The following ZNF146 variants were observed in gnomAD, a reference collection of about 807,000 sequenced individuals.
ZNF146 encodes the protein zinc finger protein OZF.
A neutral mutation model predicts 22.2 loss-of-function variants in ZNF146; 9 were observed. The observed-to-expected ratio is 0.41, with a 90% CI of 0.24 to 0.71. The LOEUF is 0.71. ZNF146 is among the 30% of genes least tolerant of loss of function. The pLI is 0.34. For missense variants in ZNF146, 194 were observed against 344.8 expected, an observed-to-expected ratio of 0.56 and a Z score of 3.46; for synonymous variants, 108 against 119.2, an observed-to-expected ratio of 0.91 and a Z score of 0.61.
chr19:36,227,496 G>A (rs12460466), intron 2 of ZNF146, among the ~76,000 whole-genome samples: 27,328 of 151,096 alleles, frequency 0.18, 2,703 homozygotes, highest in Non-Finnish European at 0.22. Context: ...TGATCTTCCT[G>A]TCTCAGCCTC....
rs142319211 is a variant in ZNF146 at position 36,224,093 on chromosome 19, C to G, written c.-854-4655C>G. Among the ~76,000 whole-genome samples the G allele has an allele frequency of 2.6e-5, 4 of 152,280 alleles. No homozygotes were observed. The East Asian group carries it at 7.7e-4, about 29-fold the overall frequency. ...TCTTTGACATCATTTATTAAAAGGT[C>G]TTACCTGGCTGGGCACGGTGGCTCA... On this transcript the variant is annotated intron_variant, in intron 2 of 3. Coordinates refer to ENST00000443387, the MANE Select transcript of ZNF146 (RefSeq NM_007145.3).
intron 2 of ZNF146, among the ~76,000 whole-genome samples, chr19:36,227,136 C>T (rs1977103323): frequency 2.0e-5 from 3 of 151,710 alleles, no homozygotes; most frequent in Admixed American, 2.0e-4. Context: ...CACCTGTAAT[C>T]CCAGCACTTT....
intron 2 of ZNF146, among the ~76,000 whole-genome samples, chr19:36,218,952 G>T (rs1310431307): frequency 2.0e-5 from 3 of 151,372 alleles, no homozygotes; most frequent in African/African-American, 7.3e-5. Context: ...GGGACTACGG[G>T]CGCCCACCAC....
chr19:36,228,159 A>C (rs1977158842), intron 2 of ZNF146, among the ~76,000 whole-genome samples: 1 of 41,182 alleles, frequency 2.4e-5, no homozygotes, highest in African/African-American at 7.4e-5. Flanking sequence ...AAACTGTCTC[A>C]AAAAAAAAAA....
chr19:36,230,693 G>A (rs1336086253), intron 3 of ZNF146, among the ~76,000 whole-genome samples: 1 of 152,070 alleles, frequency 6.6e-6, no homozygotes, highest in Non-Finnish European at 1.5e-5. Flanking sequence ...GAAGAGAGAG[G>A]GCAAAAGGGA....
chr19:36,232,107 G>A (rs773072666), intron 3 of ZNF146, among the ~76,000 whole-genome samples: 1 of 151,434 alleles, frequency 6.6e-6, no homozygotes, highest in Non-Finnish European at 1.5e-5. Context: ...GGAGGCTGAG[G>A]CAGGAGAATC....
rs1362163987 is a variant in ZNF146, at chr19:36,236,903, C to A, written c.463C>A (p.Pro155Thr). Residue 155 changes from proline to threonine, a missense_variant, in exon 4 of 4, where the codon CCT becomes ACT. Pro to Thr is a conservative substitution (Grantham distance 38). Around this residue, in one of 2 missense-constraint regions of ZNF146, gnomAD observed 147 missense variants for 300.1 expected, o/e 0.49. Coordinates refer to ENST00000443387, the MANE Select transcript of ZNF146 (RefSeq NM_007145.3). ...EHEKIHIGEK[P>T]FKCSECGTAF... ...TGAGAAAATCCATATTGGAGAGAAGCCTTTTAAATGTAGTGAATGTGGAAC... is the reference window on the plus strand; with the variant it reads ...TGAGAAAATCCATATTGGAGAGAAGACTTTTAAATGTAGTGAATGTGGAAC... 1 of 1,614,070 alleles carries A rather than the reference C, an allele frequency of 6.2e-7. No individual in the cohort carries two copies.
At chr19:36,215,507 A>G (rs1473535597) in intron 1 of ZNF146, among the ~76,000 whole-genome samples, 3 of 152,094 alleles carry the variant, frequency 2.0e-5, no homozygotes, top group South Asian at 2.1e-4. Flanking sequence ...CCTTGTCGAA[A>G]GTGCTGATAA....
intron 2 of ZNF146, among the ~76,000 whole-genome samples, chr19:36,224,562 A>G (rs1370469434): frequency 1.3e-5 from 2 of 152,134 alleles, no homozygotes; most frequent in Admixed American, 6.5e-5. Context: ...AGGCTTTATC[A>G]TTGTGTTTTA....
Position 36,236,944 on chromosome 19 carries a change from G to A in ZNF146, c.504G>A (p.Lys168=). Residue 168 remains lysine, a synonymous_variant, in exon 4 of 4, where the codon AAG becomes AAA. Coordinates refer to ENST00000443387, the MANE Select transcript of ZNF146 (RefSeq NM_007145.3). ...CSECGTAFGQ[K]KYLIKHQNIH... The stretch of plus-strand genomic sequence containing the variant: ...AATGTGGAACAGCCTTTGGCCAGAA[G>A]AAGTACCTCATAAAACATCAGAACA... The A allele has an allele frequency of 1.2e-6, 2 of 1,614,062 alleles. No homozygotes were observed. The highest frequency in any genetic ancestry group is 1.7e-6 in the Non-Finnish European group (2 of 1,180,002).
At chr19:36,231,219 C>CT (rs1195773036) in intron 3 of ZNF146, among the ~76,000 whole-genome samples, 3 of 151,546 alleles carry the variant, frequency 2.0e-5, no homozygotes, top group African/African-American at 4.9e-5. Flanking sequence ...AAAAGTTCTT[C>CT]TTTTTTTTGA....
chr19:36,231,541 A>G (rs1977371632), intron 3 of ZNF146, among the ~76,000 whole-genome samples: 1 of 152,148 alleles, frequency 6.6e-6, no homozygotes, highest in Non-Finnish European at 1.5e-5. Flanking sequence ...TATAATATCA[A>G]TTCTTATTTT....
At chr19:36,231,245 T>C (rs1977354237) in intron 3 of ZNF146, among the ~76,000 whole-genome samples, 1 of 152,126 alleles carries the variant, frequency 6.6e-6, no homozygotes, top group South Asian at 2.1e-4. Flanking sequence ...AGTTTCACTC[T>C]GTTGTCCAGG....
chr19:36,227,532 C>T (rs969005933), intron 2 of ZNF146, among the ~76,000 whole-genome samples: 2 of 151,936 alleles, frequency 1.3e-5, no homozygotes, highest in Non-Finnish European at 2.9e-5. Context: ...TGCATGTGCA[C>T]ACCACCACAC....
intron 2 of ZNF146, among the ~76,000 whole-genome samples, chr19:36,226,059 T>G (rs1977053874): frequency 6.6e-6 from 1 of 152,182 alleles, no homozygotes; most frequent in African/African-American, 2.4e-5. Context: ...CATGAGCCAC[T>G]GCGTCCAGCC....
chr19:36,223,836 T>C (rs1211583180), intron 2 of ZNF146, among the ~76,000 whole-genome samples: 1 of 151,112 alleles, frequency 6.6e-6, no homozygotes, highest in East Asian at 1.9e-4. Context: ...AGCCTTCATA[T>C]CCTCGCTAAT....
At chr19:36,234,746 A>T (rs1220715776) in intron 3 of ZNF146, among the ~76,000 whole-genome samples, 1 of 152,150 alleles carries the variant, frequency 6.6e-6, no homozygotes, top group African/African-American at 2.4e-5. Context: ...AGGTCTTACC[A>T]TATATGTGGG....
chr19:36,222,525 A>G (rs1305045916), intron 2 of ZNF146, among the ~76,000 whole-genome samples: 1 of 152,048 alleles, frequency 6.6e-6, no homozygotes, highest in African/African-American at 2.4e-5. Flanking sequence ...TTCCCCTTAA[A>G]CTCACCATGA....
In ZNF146 at chr19:36,235,757, GA is replaced by G. The variant is rs1278894115; in HGVS notation, c.-679del. 2 of 152,178 alleles carry G rather than the reference GA, an allele frequency of 1.3e-5. No individual in the cohort carries two copies. The highest frequency in any genetic ancestry group is 4.8e-5 in the African/African-American group (2 of 41,426). 9.4% of individuals were successfully genotyped at this position (152,178 alleles called of 1,614,324 possible). On this transcript the variant is annotated 5_prime_UTR_variant, in exon 4 of 4. The change creates a premature stop within an existing upstream ORF in the 5' untranslated region. Coordinates refer to ENST00000443387, the MANE Select transcript of ZNF146 (RefSeq NM_007145.3). ...TTGATCCATCTCCAGGAAAGACTGAGAAAAAGAGCGTTGAATATAAGAAAAA... is the reference window on the plus strand; with the variant it reads ...TTGATCCATCTCCAGGAAAGACTGAGAAAAGAGCGTTGAATATAAGAAAAA...
Sources: allele counts gnomAD v4.1 joint callset (sites outside exome capture counted in the v4.1 genomes callset), GRCh38; gene constraint gnomAD v4.1.1; regional missense constraint gnomAD v4.1.1; transcripts MANE v1.5; gene names NCBI Gene and HGNC (gene_info 2026-07-23, HGNC 2026-07-21).